Variants in PREX2 observed in about 807,000 individuals in gnomAD.
The protein encoded by PREX2 is phosphatidylinositol 3,4,5-trisphosphate-dependent Rac exchanger 2 protein.
PREX2 carries 107 observed loss-of-function variants against 203.2 expected under a neutral mutation model. The ratio of observed to expected loss-of-function variants is 0.53; its 90% confidence interval spans 0.45 to 0.62. The LOEUF is 0.62. Ranked by LOEUF, PREX2 falls within the 20% of genes least tolerant of loss-of-function variation. The probability of loss-of-function intolerance (pLI) is 0.00; values close to 1 mark genes in which losing one functional copy is unlikely to be tolerated. For missense variants in PREX2, 1,777 were observed against 1,955.9 expected (o/e 0.91, Z 1.72); for synonymous variants, 672 against 663.6 (o/e 1.01, Z -0.19).
At chr8:68,032,326 C>T (rs1807909961) in intron 6 of PREX2, among the ~76,000 whole-genome samples, 1 of 152,110 alleles carries the variant, frequency 6.6e-6, no homozygotes, top group Admixed American at 6.6e-5. Flanking sequence ...TTAAATTCTA[C>T]AGTCAGAGTT....
At chr8:68,197,077 C>T (rs75819386) in intron 37 of PREX2, among the ~76,000 whole-genome samples, 1 of 152,034 alleles carries the variant, frequency 6.6e-6, no homozygotes, top group East Asian at 1.9e-4. Flanking sequence ...TACCTTGAAC[C>T]CTATATTCTC....
intron 32 of PREX2, 116 bp from the exon 33 acceptor site, chr8:68,138,299 A>G (rs1811152347): frequency 2.2e-6 from 1 of 448,864 alleles, no homozygotes; most frequent in African/African-American, 2.0e-5. Flanking sequence ...TTTGTTTTGT[A>G]CCTGTATATA....
intron 39 of PREX2, among the ~76,000 whole-genome samples, chr8:68,225,424 A>G (rs1378808860): frequency 1.3e-5 from 2 of 152,168 alleles, no homozygotes; most frequent in Non-Finnish European, 2.9e-5. Context: ...GCAACCATCT[A>G]TCTTGAAGGG....
chr8:68,028,963 C>T (rs1323628398), intron 5 of PREX2, among the ~76,000 whole-genome samples: 3 of 151,910 alleles, frequency 2.0e-5, no homozygotes, highest in East Asian at 3.9e-4. Flanking sequence ...ACCTCCTTTC[C>T]GTTTTCTGGT....
chr8:68,013,112 G>A (rs1451066758), intron 1 of PREX2, among the ~76,000 whole-genome samples: 1 of 152,230 alleles, frequency 6.6e-6, no homozygotes, highest in Non-Finnish European at 1.5e-5. Flanking sequence ...CTTACCAAGT[G>A]CCAGATATTG....
chr8:68,076,978 T>G (rs1014373680), intron 14 of PREX2, among the ~76,000 whole-genome samples: 2 of 152,092 alleles, frequency 1.3e-5, no homozygotes, highest in African/African-American at 4.8e-5. Context: ...GGCCATTTGG[T>G]GGAAGGGAAT....
chr8:68,199,851 A>G (rs552704595), intron 37 of PREX2, among the ~76,000 whole-genome samples: 50 of 152,342 alleles, frequency 3.3e-4, no homozygotes, highest in African/African-American at 1.2e-3. Flanking sequence ...TTTTTAAAGT[A>G]GAGCATTCAA....
At position 68,109,554 on chromosome 8, in the gene PREX2, A is replaced by C; in HGVS notation, c.3077A>C (p.Tyr1026Ser). 1.2e-6 allele frequency: 2 copies of C among 1,614,062 alleles called. No homozygotes were observed. Among genetic ancestry groups the C allele is most frequent in the Non-Finnish European group, 1.7e-6 (2 of 1,179,924 alleles). The change falls in exon 25 of 40, where the codon TAT (tyrosine) becomes TCT (serine). Residue 1026 changes from tyrosine (Y) to serine (S), a missense_variant. Coordinates refer to ENST00000288368, the MANE Select transcript of PREX2 (RefSeq NM_024870.4). ...KEEDLETQDI[Y>S]QKLLGKLQTA... The stretch of plus-strand genomic sequence containing the variant: ...GAAGACTTAGAAACCCAAGACATCT[A>C]TCAGAAACTGCTGGGCAAACTTCAG...
rs540262823 is a variant in PREX2, at chr8:67,999,588, G to C, written c.142-18258G>C. Among the ~76,000 whole-genome samples the C allele has an allele frequency of 9.3e-5, 14 of 151,278 alleles. No homozygotes were observed. The South Asian group carries it at 2.9e-3, about 32-fold the overall frequency. On this transcript the variant is annotated intron_variant, in intron 1 of 39. Transcript: ENST00000288368. ...CTGAAACTATTCCAAAAAAATCGAG[G>C]AGGAGAGACATTTACACAACTCATT...
intron 7 of PREX2, among the ~76,000 whole-genome samples, chr8:68,041,634 G>A (rs1808200780): frequency 6.6e-6 from 1 of 152,046 alleles, no homozygotes; most frequent in African/African-American, 2.4e-5. Context: ...TAGGTTCTCT[G>A]TGTTTGATAG....
intron 38 of PREX2, chr8:68,220,170 C>G (rs1418126399): frequency 6.6e-6 from 1 of 151,884 alleles, no homozygotes; most frequent in Non-Finnish European, 1.5e-5. Context: ...TTGTTTTCCT[C>G]TGCAGATTTT....
chr8:68,161,320 C>T (rs1811649923), intron 35 of PREX2, among the ~76,000 whole-genome samples: 1 of 151,952 alleles, frequency 6.6e-6, no homozygotes, highest in African/African-American at 2.4e-5. Context: ...GTCTCGAACT[C>T]CTGACCTCGT....
At chr8:68,054,622 T>C (rs1808621540) in intron 9 of PREX2, among the ~76,000 whole-genome samples, 2 of 152,222 alleles carry the variant, frequency 1.3e-5, no homozygotes, top group Non-Finnish European at 2.9e-5. Flanking sequence ...CCAGTGTTCG[T>C]AGGATTTTAG....
At chr8:68,132,433 G>T (rs1811026813) in intron 31 of PREX2, among the ~76,000 whole-genome samples, 1 of 151,602 alleles carries the variant, frequency 6.6e-6, no homozygotes, top group Non-Finnish European at 1.5e-5. Flanking sequence ...TACCAAAGCA[G>T]CATGTTTCTA....
At chr8:68,223,812 T>G (rs558752612) in intron 38 of PREX2, among the ~76,000 whole-genome samples, 1 of 152,172 alleles carries the variant, frequency 6.6e-6, no homozygotes, top group African/African-American at 2.4e-5. Context: ...TGGACATAGC[T>G]TGTCCAAAAA....
intron 35 of PREX2, among the ~76,000 whole-genome samples, chr8:68,171,432 G>A (rs1052574328): frequency 4.0e-5 from 6 of 151,894 alleles, no homozygotes; most frequent in Non-Finnish European, 8.8e-5. Flanking sequence ...TTCACTGTTC[G>A]TATGATAGTG....
At chr8:68,019,448 T>C (rs2129610211) in intron 2 of PREX2, 101 bp from the exon 3 acceptor site, 2 of 884,072 alleles carry the variant, frequency 2.3e-6, no homozygotes, top group East Asian at 5.9e-5. Context: ...GAGGAAGGCA[T>C]GGATGTATGG....
chr8:68,102,855 G>A (rs750252915), intron 23 of PREX2: 2 of 518,408 alleles, frequency 3.9e-6, no homozygotes, highest in Non-Finnish European at 7.7e-6. Flanking sequence ...GTGAAACCTG[G>A]TCAGACCTTA....
intron 17 of PREX2, chr8:68,082,988 A>G: frequency 2.9e-6 from 1 of 344,344 alleles, no homozygotes; most frequent in Non-Finnish European, 5.3e-6. Context: ...AGAGGGGAGT[A>G]GGATGTTAAG....
Sources: gnomAD v4.1 joint callset for allele counts (sites outside exome capture counted in the v4.1 genomes callset) on GRCh38, gnomAD v4.1.1 for gene constraint, MANE v1.5 for transcripts, NCBI Gene and HGNC (gene_info 2026-07-23, HGNC 2026-07-21) for gene names.